The following CDH4 variants were observed in gnomAD, a reference collection of about 807,000 sequenced individuals.
CDH4 encodes the protein cadherin-4.
In CDH4, 33 loss-of-function variants were observed where a neutral mutation model predicts 86.0. That is an observed-to-expected ratio of 0.38 (90% confidence interval 0.29 to 0.51). The LOEUF is 0.51. Among genes scored for constraint, CDH4 ranks in the 20% least tolerant of loss-of-function variants. CDH4 has a pLI of 0.86. For missense variants in CDH4, 1,114 were observed against 1,307.4 expected (o/e 0.85, Z 2.28); for synonymous variants, 555 against 549.4 (o/e 1.01, Z -0.14).
intron 2 of CDH4, among the ~76,000 whole-genome samples, chr20:61,442,064 C>T (rs754880604): frequency 3.3e-5 from 5 of 152,182 alleles, no homozygotes; most frequent in Non-Finnish European, 7.3e-5. Context: ...TTGAAGACCA[C>T]CCAGACGCAA....
At chr20:61,715,467 C>T (rs1170956818) in intron 2 of CDH4, among the ~76,000 whole-genome samples, 1 of 152,164 alleles carries the variant, frequency 6.6e-6, no homozygotes, top group Non-Finnish European at 1.5e-5. Flanking sequence ...GAAGGCATCA[C>T]ATGGTGACCA....
intron 8 of CDH4, among the ~76,000 whole-genome samples, chr20:61,897,594 CTG>C (rs559504059): frequency 1.3e-3 from 195 of 152,368 alleles, no homozygotes; most frequent in African/African-American, 4.3e-3. Flanking sequence ...GCCCTTGGCA[CTG>C]AGCTACCCTC....
chr20:61,882,582 CG>C, intron 7 of CDH4, among the ~76,000 whole-genome samples: 1 of 152,314 alleles, frequency 6.6e-6, no homozygotes, highest in South Asian at 2.1e-4. Flanking sequence ...GCCCCTGGCC[CG>C]GGGGGTGCAG....
At chr20:61,912,553 A>G (rs2054861493) in intron 9 of CDH4, among the ~76,000 whole-genome samples, 1 of 152,254 alleles carries the variant, frequency 6.6e-6, no homozygotes, top group East Asian at 1.9e-4. Flanking sequence ...TTTAATTAAC[A>G]TTGTGCTACA....
chr20:61,282,714 G>T (rs575190962), intron 2 of CDH4, among the ~76,000 whole-genome samples: 2 of 152,216 alleles, frequency 1.3e-5, no homozygotes, highest in Non-Finnish European at 2.9e-5. Context: ...CATGTGAGTT[G>T]GTGTGTGTGC....
At chr20:61,315,879 T>C (rs1037989217) in intron 2 of CDH4, among the ~76,000 whole-genome samples, 8 of 152,042 alleles carry the variant, frequency 5.3e-5, no homozygotes, top group African/African-American at 1.9e-4. Context: ...AATTTTTTGT[T>C]TTTTGTATTT....
At chr20:61,463,294 A>G (rs2085454967) in intron 2 of CDH4, among the ~76,000 whole-genome samples, 1 of 152,220 alleles carries the variant, frequency 6.6e-6, no homozygotes, top group Admixed American at 6.5e-5. Context: ...GCACCGGGGC[A>G]GGAGTAGGCA....
intron 2 of CDH4, among the ~76,000 whole-genome samples, chr20:61,494,907 T>C (rs2085649221): frequency 6.6e-6 from 1 of 152,244 alleles, no homozygotes. Context: ...GAGCTGACAT[T>C]CATTCGCCCA....
In CDH4 at chr20:61,937,119, T is replaced by C. The variant is rs367749957; in HGVS notation, c.*176T>C. Reference sequence around the variant, plus strand: ...ATGAGCACCCACCCCCACAGCGCCCTGCACCCGGCCGCTGCCCAGCACCGC... The same window carrying C: ...ATGAGCACCCACCCCCACAGCGCCCCGCACCCGGCCGCTGCCCAGCACCGC... On this transcript the variant is annotated 3_prime_UTR_variant, in exon 16 of 16. Transcript: ENST00000614565. The C allele has an allele frequency of 4.7e-5, 21 of 450,908 alleles. No homozygotes were observed. In the East Asian group the frequency reaches 5.4e-4, roughly 12 times the overall value. The allele number at this position is 450,908 out of a possible 1,614,324, so 27.9% of individuals were successfully genotyped here.
intron 2 of CDH4, among the ~76,000 whole-genome samples, chr20:61,565,527 C>G (rs905995250): frequency 1.3e-5 from 2 of 152,100 alleles, no homozygotes; most frequent in Non-Finnish European, 2.9e-5. Flanking sequence ...CATTTCTTCC[C>G]TGGCATCTAG....
At chr20:61,620,167 T>TGGACGGAC (rs879275146) in intron 2 of CDH4, among the ~76,000 whole-genome samples, 1 of 81,756 alleles carries the variant, frequency 1.2e-5, no homozygotes, top group Non-Finnish European at 2.5e-5. Flanking sequence ...GATGGATGGA[T>TGGACGGAC]GGATGGATGG....
intron 2 of CDH4, among the ~76,000 whole-genome samples, chr20:61,536,802 C>T (rs62199198): frequency 0.047 from 7,225 of 152,222 alleles, 209 homozygotes; most frequent in East Asian, 0.077. Context: ...GATGCCGCTA[C>T]ACACCCCACA....
intron 4 of CDH4, among the ~76,000 whole-genome samples, chr20:61,822,363 C>A (rs1407584314): frequency 2.0e-5 from 3 of 152,180 alleles, no homozygotes; most frequent in Admixed American, 6.5e-5. Flanking sequence ...TTTTACAGAG[C>A]AGAGCTATTG....
At chr20:61,534,851 G>C (rs1381371936) in intron 2 of CDH4, among the ~76,000 whole-genome samples, 1 of 124,898 alleles carries the variant, frequency 8.0e-6, no homozygotes, top group Non-Finnish European at 1.7e-5. Flanking sequence ...GCAGCCTCTG[G>C]TGGGACAGTG....
chr20:61,830,814 C>T (rs1478309557), intron 4 of CDH4, among the ~76,000 whole-genome samples: 2 of 152,248 alleles, frequency 1.3e-5, no homozygotes, highest in African/African-American at 4.8e-5. Flanking sequence ...ACACATCTTG[C>T]TCTTGGTCGC....
intron 2 of CDH4, among the ~76,000 whole-genome samples, chr20:61,394,880 C>T (rs1327144788): frequency 7.3e-6 from 1 of 137,636 alleles, no homozygotes; most frequent in Non-Finnish European, 1.6e-5. Flanking sequence ...GCTGTGAGCC[C>T]TCACAACCCT....
chr20:61,614,053 G>A (rs2086706851), intron 2 of CDH4, among the ~76,000 whole-genome samples: 1 of 152,092 alleles, frequency 6.6e-6, no homozygotes, highest in Non-Finnish European at 1.5e-5. Context: ...GACGTGTGGT[G>A]GAATGAGAAA....
intron 2 of CDH4, among the ~76,000 whole-genome samples, chr20:61,327,170 AT>A (rs1436966466): frequency 6.6e-6 from 1 of 152,252 alleles, no homozygotes; most frequent in Admixed American, 6.5e-5. Context: ...ATCTAAAAAA[AT>A]GTATCCACCC....
chr20:61,386,603 T>G (rs1331155166), intron 2 of CDH4, among the ~76,000 whole-genome samples: 1 of 152,230 alleles, frequency 6.6e-6, no homozygotes, highest in Non-Finnish European at 1.5e-5. Flanking sequence ...CTGGGTTACC[T>G]GGCTCTGCCC....
Sources: gnomAD v4.1 joint callset for allele counts (sites outside exome capture counted in the v4.1 genomes callset) on GRCh38, gnomAD v4.1.1 for gene constraint, MANE v1.5 for transcripts, NCBI Gene and HGNC (gene_info 2026-07-23, HGNC 2026-07-21) for gene names.